Variants in PPM1E observed in about 807,000 individuals in gnomAD.
PPM1E encodes protein phosphatase, Mg2+/Mn2+ dependent 1E.
A neutral mutation model predicts 65.9 loss-of-function variants in PPM1E; 20 were observed. The observed-to-expected ratio is 0.30, with a 90% CI of 0.21 to 0.44. The LOEUF (loss-of-function observed/expected upper bound fraction) is 0.44. Ranked by LOEUF, PPM1E falls within the 20% of genes least tolerant of loss-of-function variation. The pLI, the probability that PPM1E is intolerant of heterozygous loss-of-function variation, is 1.00. For missense variants in PPM1E, 713 were observed against 953.1 expected (o/e 0.75, Z 3.32); for synonymous variants, 352 against 374.9 (o/e 0.94, Z 0.70).
At chr17:58,959,733 C>T (rs1473975815) in intron 2 of PPM1E, among the ~76,000 whole-genome samples, 1 of 150,460 alleles carries the variant, frequency 6.6e-6, no homozygotes, top group Non-Finnish European at 1.5e-5. Flanking sequence ...AATTCATTCA[C>T]TGAATATTTT....
intron 3 of PPM1E, among the ~76,000 whole-genome samples, chr17:58,968,091 C>T (rs1015055239): frequency 9.2e-5 from 14 of 152,062 alleles, no homozygotes; most frequent in Non-Finnish European, 1.9e-4. Context: ...TGTGAGCCAC[C>T]GCACCCGGCC....
Position 58,805,977 on chromosome 17 carries a change from AAAAAAAACAAAACAAAACAAAAC to A in PPM1E, c.464+49524_464+49546del, listed in dbSNP as rs1567838866. On this transcript the variant is annotated intron_variant, in intron 1 of 6. Transcript: ENST00000308249. The stretch of plus-strand genomic sequence containing the variant: ...AAAAAAAAACAAAAAAAAAAAACAA[AAAAAAAACAAAACAAAACAAAAC>A]AAAAAAAAAACTATATGTAGCATTT... Among the ~76,000 whole-genome samples, 58 of 109,822 alleles carry A rather than the reference AAAAAAAACAAAACAAAACAAAAC, an allele frequency of 5.3e-4. 1 individual carries two copies. Among genetic ancestry groups the A allele is most frequent in the Non-Finnish European group, 7.7e-4 (43 of 55,770 alleles). The allele number at this position is 109,822 out of a possible 152,430, so 72.0% of individuals were successfully genotyped here.
chr17:58,798,385 C>T (rs189061997), intron 1 of PPM1E, among the ~76,000 whole-genome samples: 1 of 151,644 alleles, frequency 6.6e-6, no homozygotes, highest in Admixed American at 6.6e-5. Flanking sequence ...GGCGCCACCA[C>T]GCCTAATTTT....
At chr17:58,964,049 A>C (rs2030133805) in intron 2 of PPM1E, among the ~76,000 whole-genome samples, 1 of 152,206 alleles carries the variant, frequency 6.6e-6, no homozygotes, top group African/African-American at 2.4e-5. Flanking sequence ...AAACGTAGTC[A>C]CAGATTAAGG....
At chr17:58,807,348 CAT>C (rs2050325808) in intron 1 of PPM1E, among the ~76,000 whole-genome samples, 1 of 152,084 alleles carries the variant, frequency 6.6e-6, no homozygotes, top group African/African-American at 2.4e-5. Context: ...ACATAATACT[CAT>C]TCACTAAATA....
chr17:58,836,361 T>C (rs1048534688), intron 1 of PPM1E, among the ~76,000 whole-genome samples: 1 of 151,868 alleles, frequency 6.6e-6, no homozygotes, highest in Non-Finnish European at 1.5e-5. Flanking sequence ...CCTGGCATGG[T>C]GGCTCACACC....
intron 1 of PPM1E, among the ~76,000 whole-genome samples, chr17:58,884,092 G>A (rs1173571894): frequency 6.6e-6 from 1 of 152,156 alleles, no homozygotes; most frequent in Non-Finnish European, 1.5e-5. Flanking sequence ...TGTACCTGGT[G>A]TCCTCTAATC....
intron 1 of PPM1E, among the ~76,000 whole-genome samples, chr17:58,874,555 G>GT (rs2044285053): frequency 6.6e-6 from 1 of 152,132 alleles, no homozygotes; most frequent in African/African-American, 2.4e-5. Flanking sequence ...TGTTTATACT[G>GT]TAAGATATCT....
intron 4 of PPM1E, 151 bp downstream of exon 4, chr17:58,969,878 T>A: frequency 2.8e-6 from 2 of 725,534 alleles, no homozygotes. Context: ...CTGTTGTAGT[T>A]CCAATTCCCT....
chr17:58,772,279 A>G (rs1484741238), intron 1 of PPM1E, among the ~76,000 whole-genome samples: 1 of 152,076 alleles, frequency 6.6e-6, no homozygotes, highest in Non-Finnish European at 1.5e-5. Context: ...AATATGGTGA[A>G]ACCCCGTCTC....
At chr17:58,763,923 A>G (rs1426704364) in intron 1 of PPM1E, among the ~76,000 whole-genome samples, 1 of 152,142 alleles carries the variant, frequency 6.6e-6, no homozygotes, top group Admixed American at 6.6e-5. Flanking sequence ...TCTTTTATGG[A>G]TGCCTAAAAG....
chr17:58,762,448 G>A (rs970567679), intron 1 of PPM1E, among the ~76,000 whole-genome samples: 4 of 151,868 alleles, frequency 2.6e-5, no homozygotes, highest in Admixed American at 6.6e-5. Context: ...GGGTAACAGA[G>A]TGAGACCTTG....
chr17:58,925,317 T>G (rs1472172175), intron 1 of PPM1E, among the ~76,000 whole-genome samples: 1 of 152,176 alleles, frequency 6.6e-6, no homozygotes, highest in African/African-American at 2.4e-5. Flanking sequence ...TTTGCGTTTC[T>G]CTAATCATTA....
At chr17:58,900,143 CAA>C (rs144800837) in intron 1 of PPM1E, among the ~76,000 whole-genome samples, 3,322 of 151,348 alleles carry the variant, frequency 0.022, 111 homozygotes, top group African/African-American at 0.076. Context: ...GAAGTAATAA[CAA>C]AGGATTTAGA....
At chr17:58,973,676 GGCGCAGTGGGTCAC>G (rs2030798852) in intron 6 of PPM1E, among the ~76,000 whole-genome samples, 1 of 151,858 alleles carries the variant, frequency 6.6e-6, no homozygotes. Context: ...ACAAAGGCCG[GGCGCAGTGGGTCAC>G]GCCTGTATTC....
At chr17:58,916,920 C>G (rs955015267) in intron 1 of PPM1E, among the ~76,000 whole-genome samples, 1 of 151,986 alleles carries the variant, frequency 6.6e-6, no homozygotes, top group Non-Finnish European at 1.5e-5. Context: ...ACTGTAAGAA[C>G]TATCTGTGGT....
intron 1 of PPM1E, among the ~76,000 whole-genome samples, chr17:58,767,758 T>G (rs2049895449): frequency 6.6e-6 from 1 of 152,150 alleles, no homozygotes; most frequent in Admixed American, 6.6e-5. Context: ...TTCTCCTGCC[T>G]TAGGCTCCCG....
At chr17:58,943,239 A>G (rs901106987) in intron 1 of PPM1E, among the ~76,000 whole-genome samples, 5 of 152,100 alleles carry the variant, frequency 3.3e-5, no homozygotes, top group Admixed American at 1.3e-4. Context: ...TCTTCGCTTT[A>G]TAGTACTACC....
chr17:58,944,114 C>T (rs2052111631), intron 1 of PPM1E, among the ~76,000 whole-genome samples: 1 of 152,048 alleles, frequency 6.6e-6, no homozygotes, highest in Non-Finnish European at 1.5e-5. Context: ...CAGTTACTGC[C>T]CCATATCTCT....
Sources: allele counts gnomAD v4.1 joint callset (sites outside exome capture counted in the v4.1 genomes callset), GRCh38; gene constraint gnomAD v4.1.1; transcripts MANE v1.5; gene names NCBI Gene and HGNC (gene_info 2026-07-23, HGNC 2026-07-21).